The following CNGB1 variants were observed in gnomAD, a reference collection of about 807,000 sequenced individuals.
The protein encoded by CNGB1 is cyclic nucleotide-gated channel beta-1.
CNGB1 carries 126 observed loss-of-function variants against 151.7 expected under a neutral mutation model. That is an observed-to-expected ratio of 0.83 (90% CI 0.72 to 0.96). The LOEUF is 0.96. Among genes scored for constraint, CNGB1 ranks in the 40% least tolerant of loss-of-function variants. The probability of loss-of-function intolerance (pLI) is 0.00; values close to 1 mark genes in which losing one functional copy is unlikely to be tolerated. For missense variants in CNGB1, 1,698 were observed against 1,627.0 expected, an observed-to-expected ratio of 1.04 and a Z score of -0.75; for synonymous variants, 623 against 635.1, an observed-to-expected ratio of 0.98 and a Z score of 0.29.
chr16:57,897,815 A>G lies in CNGB1; in HGVS notation c.3076T>C (p.Ser1026Pro). 6.2e-7 allele frequency: 1 copy of G among 1,614,118 alleles called. No individual in the cohort carries two copies. Among genetic ancestry groups the G allele is most frequent in the Non-Finnish European group, 8.5e-7 (1 of 1,180,016 alleles). The change falls in exon 30 of 33, where the codon TCT becomes CCT. Residue 1026 changes from serine to proline, a missense_variant. Physicochemically the swap from Ser to Pro is moderately conservative, Grantham distance 74 (BLOSUM62 -1). Coordinates refer to ENST00000251102, the MANE Select transcript of CNGB1 (RefSeq NM_001297.5). ...KSVLVTLKAGSVFGEISLLAV... is the reference protein window; with the variant it reads ...KSVLVTLKAGPVFGEISLLAV... ...TCTGACCTTATTTCTCCAAACACAG[A>G]TCCAGCTTTCAGCGTCACCAGCACA...
At chr16:57,906,757 C>A (rs1960563091) in intron 25 of CNGB1, among the ~76,000 whole-genome samples, 1 of 152,210 alleles carries the variant, frequency 6.6e-6, no homozygotes, top group African/African-American at 2.4e-5. Flanking sequence ...GGCGCGATGT[C>A]CACAAAGCTC....
At chr16:57,891,543 C>A (rs1339099292) in intron 31 of CNGB1, among the ~76,000 whole-genome samples, 1 of 152,060 alleles carries the variant, frequency 6.6e-6, no homozygotes, top group African/African-American at 2.4e-5. Context: ...ATGTGTGTTT[C>A]TTTTTAAAGA....
intron 31 of CNGB1, among the ~76,000 whole-genome samples, chr16:57,891,989 C>A (rs1295236449): frequency 1.3e-5 from 2 of 150,172 alleles, no homozygotes; most frequent in Non-Finnish European, 2.9e-5. Flanking sequence ...ACTTCTTGTG[C>A]TTAGGAACAT....
At chr16:57,887,333 C>A (rs1959959589) in intron 32 of CNGB1, among the ~76,000 whole-genome samples, 1 of 152,172 alleles carries the variant, frequency 6.6e-6, no homozygotes, top group African/African-American at 2.4e-5. Flanking sequence ...AGCCTACTCT[C>A]AGTCCAGGGG....
chr16:57,939,879 C>T (rs1282350311), intron 15 of CNGB1, among the ~76,000 whole-genome samples: 2 of 152,244 alleles, frequency 1.3e-5, no homozygotes, highest in African/African-American at 4.8e-5. Flanking sequence ...ATCGACAGCA[C>T]CACTCTTCAC....
Position 57,884,213 on chromosome 16 carries a change from T to C in CNGB1, c.3707A>G (p.Gln1236Arg). ...CTCCGGCATCTTCACCGACAGGATC[T>C]GCTCTCCCGGCTCCGGGCCCGGGCT... Reference protein sequence around the residue: ...CMSPGPEPGEQILSVKMPEER... With the variant: ...CMSPGPEPGERILSVKMPEER... Residue 1236 changes from glutamine to arginine, a missense_variant, in exon 33 of 33, where the codon CAG becomes CGG. Coordinates refer to ENST00000251102, the MANE Select transcript of CNGB1 (RefSeq NM_001297.5). 1 of 1,614,024 alleles carries C rather than the reference T, an allele frequency of 6.2e-7. No homozygotes were observed.
chr16:57,932,036 G>T (rs74019724), intron 16 of CNGB1, among the ~76,000 whole-genome samples, 158 bp from the exon 17 acceptor site: 3,774 of 152,214 alleles, frequency 0.025, 180 homozygotes, highest in African/African-American at 0.086. Context: ...CCATGCAGGG[G>T]GTACAGGAAC....
At chr16:57,946,266 C>CTCG (rs1394433525) in intron 14 of CNGB1, 2 of 152,488 alleles carry the variant, frequency 1.3e-5, no homozygotes, top group Admixed American at 1.3e-4. Context: ...CTTGTGCCAT[C>CTCG]CCGCAGGCCG....
intron 25 of CNGB1, among the ~76,000 whole-genome samples, chr16:57,907,448 C>T (rs1170904306): frequency 1.3e-5 from 2 of 152,260 alleles, no homozygotes; most frequent in Admixed American, 1.3e-4. Flanking sequence ...CCTTTCCTGC[C>T]ATGCTGGCTT....
At chr16:57,928,949 T>C (rs1348678148) in intron 17 of CNGB1, among the ~76,000 whole-genome samples, 1 of 152,172 alleles carries the variant, frequency 6.6e-6, no homozygotes, top group African/African-American at 2.4e-5. Context: ...CACATTATAT[T>C]GTCTAATAAT....
chr16:57,904,719 C>T lies in CNGB1; in HGVS notation c.2634+15G>A. Reference sequence around the variant, plus strand: ...CAGTCAGGTGGGGTGGGAAGCTGGGCTGGTGCCCCGATACCTGTCCGATCA... The same window carrying T: ...CAGTCAGGTGGGGTGGGAAGCTGGGTTGGTGCCCCGATACCTGTCCGATCA... On this transcript the variant is annotated intron_variant, in intron 26 of 32. Transcript: ENST00000251102. 6.2e-7 allele frequency: 1 copy of T among 1,613,934 alleles called. No homozygotes were observed. Among genetic ancestry groups the T allele is most frequent in the Non-Finnish European group, 8.5e-7 (1 of 1,180,000 alleles).
intron 12 of CNGB1, among the ~76,000 whole-genome samples, chr16:57,950,991 A>G (rs16959580): frequency 0.25 from 38,354 of 151,994 alleles, 5,003 homozygotes; most frequent in South Asian, 0.31. Context: ...TGCTCTGTAG[A>G]TGCCACCCCC....
intron 8 of CNGB1, 44 bp downstream of exon 8, chr16:57,960,796 C>A (rs1399188463): frequency 3.1e-6 from 5 of 1,592,372 alleles, no homozygotes; most frequent in Non-Finnish European, 2.6e-6. Context: ...CCCCAGAAGC[C>A]CCCCCATATA....
chr16:57,929,834 TGGGGACACA>T (rs1961297199), intron 17 of CNGB1, among the ~76,000 whole-genome samples: 2 of 152,060 alleles, frequency 1.3e-5, no homozygotes, highest in African/African-American at 4.8e-5. Flanking sequence ...GAGATTTGGG[TGGGGACACA>T]GAGCCAAACC....
intron 17 of CNGB1, among the ~76,000 whole-genome samples, chr16:57,931,109 A>C (rs1961333901): frequency 6.6e-6 from 1 of 151,800 alleles, no homozygotes; most frequent in Non-Finnish European, 1.5e-5. Context: ...TAATTCTGTA[A>C]CATTTATTAT....
rs554487952 is a variant in CNGB1, at chr16:57,959,368, C to T, written c.761+520G>A. Among the ~76,000 whole-genome samples, 5 of 151,548 alleles carry T rather than the reference C, an allele frequency of 3.3e-5. No homozygotes were observed. The East Asian group carries it at 9.7e-4, about 30-fold the overall frequency. On this transcript the variant is annotated intron_variant, in intron 10 of 32. Transcript: ENST00000251102. ...GTGGCTCATGCCTATAATCCTGGCACTTTGAGAGGCCAAGGCGGTCAGATT... is the reference window on the plus strand; with the variant it reads ...GTGGCTCATGCCTATAATCCTGGCATTTTGAGAGGCCAAGGCGGTCAGATT...
At position 57,884,419 on chromosome 16, in the gene CNGB1, G is replaced by T; in HGVS notation, c.3501C>A (p.Ser1167=). The change falls in exon 33 of 33, where the codon TCC becomes TCA. Residue 1167 remains serine, a synonymous_variant. Coordinates refer to ENST00000251102, the MANE Select transcript of CNGB1 (RefSeq NM_001297.5). ...SSQDVKGEEG[S]AAPDQHTHPK... ...GGTGCGTGTGCTGGTCTGGGGCGGC[G>T]GAGCCTTCCTCTCCCTTGACGTCTT... 1 of 1,613,568 alleles carries T rather than the reference G, an allele frequency of 6.2e-7. No individual in the cohort carries two copies. The highest frequency in any genetic ancestry group is 8.5e-7 in the Non-Finnish European group (1 of 1,179,886).
rs1313233799 is a variant in CNGB1, at chr16:57,954,925, G to GT, written c.874+2415dup. On this transcript the variant is annotated intron_variant, in intron 12 of 32. Transcript: ENST00000251102. ...TTTTTAATTTATTAATTTAAAAAAG[G>GT]TTTTTTAGAGACAGGGTCTCACTGT... 2.3e-5 allele frequency: 24 copies of GT among 1,031,750 alleles called. No individual in the cohort carries two copies. The South Asian group carries it at 8.4e-4, about 36-fold the overall frequency. 63.9% of individuals were successfully genotyped at this position (1,031,750 alleles called of 1,614,324 possible).
At chr16:57,957,227 G>GT in intron 12 of CNGB1, 114 bp downstream of exon 12, 1 of 989,418 alleles carries the variant, frequency 1.0e-6, no homozygotes, top group Non-Finnish European at 1.6e-6. Context: ...CTGCCCCCCT[G>GT]TGTGAGTCCA....
Sources: allele counts gnomAD v4.1 joint callset (sites outside exome capture counted in the v4.1 genomes callset), GRCh38; gene constraint gnomAD v4.1.1; transcripts MANE v1.5; gene names NCBI Gene and HGNC (gene_info 2026-07-23, HGNC 2026-07-21).